Variants in ATAD2B observed in about 807,000 individuals in gnomAD.
The protein encoded by ATAD2B is ATPase family AAA domain-containing protein 2B.
In ATAD2B, 40 loss-of-function variants were observed where a neutral mutation model predicts 167.6. The ratio of observed to expected loss-of-function variants is 0.24; its 90% confidence interval spans 0.19 to 0.31. The LOEUF (loss-of-function observed/expected upper bound fraction) is 0.31, where lower values mean the gene tolerates loss of function less well. Among genes scored for constraint, ATAD2B ranks in the 10% least tolerant of loss-of-function variants. ATAD2B has a pLI of 1.00. For synonymous variants in ATAD2B, 579 were observed against 596.5 expected (o/e 0.97, Z 0.43); for missense variants, 1,242 against 1,757.2 (o/e 0.71, Z 5.24).
chr2:23,745,636 C>G (rs535158316), downstream of ATAD2B, among the ~76,000 whole-genome samples: 7 of 152,114 alleles, frequency 4.6e-5, no homozygotes, highest in Non-Finnish European at 8.8e-5. Context: ...TTCAGTTTCC[C>G]CTTCTCTTAA....
the ATAD2B span, among the ~76,000 whole-genome samples, chr2:23,741,400 A>G: frequency 5.9e-5 from 9 of 152,164 alleles, no homozygotes; most frequent in Non-Finnish European, 1.3e-4. Context: ...ATAATGCCAC[A>G]TATCTACAAC....
chr2:23,921,371 G>A (rs1005749917), intron 1 of ATAD2B, among the ~76,000 whole-genome samples: 4 of 152,094 alleles, frequency 2.6e-5, no homozygotes, highest in African/African-American at 9.7e-5. Context: ...TCCTTGAACA[G>A]ACAGGATCAC....
chr2:23,702,135 T>A, the ATAD2B span, among the ~76,000 whole-genome samples: 1 of 152,160 alleles, frequency 6.6e-6, no homozygotes, highest in Non-Finnish European at 1.5e-5. Flanking sequence ...CATGGCTCTT[T>A]TTAACTACCC....
chr2:23,785,707 C>T (rs1680715305), intron 21 of ATAD2B: 2 of 198,196 alleles, frequency 1.0e-5, no homozygotes, highest in Admixed American at 5.9e-5. Context: ...TACTCTTTGA[C>T]AGCAGAATTT....
At chr2:23,901,848 C>T (rs1700879287) in intron 1 of ATAD2B, among the ~76,000 whole-genome samples, 1 of 151,800 alleles carries the variant, frequency 6.6e-6, no homozygotes, top group Non-Finnish European at 1.5e-5. Context: ...GTTTCCCAAA[C>T]ATACTCTGGA....
intron 1 of ATAD2B, among the ~76,000 whole-genome samples, chr2:23,914,228 C>G (rs966545312): frequency 6.6e-6 from 1 of 152,080 alleles, no homozygotes; most frequent in Middle Eastern, 3.2e-3. Flanking sequence ...GGTTGTCTAT[C>G]AGAATGAACA....
At chr2:23,916,949 C>T (rs1194612974) in intron 1 of ATAD2B, among the ~76,000 whole-genome samples, 1 of 152,164 alleles carries the variant, frequency 6.6e-6, no homozygotes, top group Non-Finnish European at 1.5e-5. Flanking sequence ...TACCATGAAG[C>T]AGGGACTGTG....
At chr2:23,811,173 TA>T (rs1440073572) in intron 17 of ATAD2B, 4 of 152,232 alleles carry the variant, frequency 2.6e-5, no homozygotes, top group African/African-American at 9.6e-5. Context: ...TATCCAAGGT[TA>T]AATGTTAGGA....
intron 6 of ATAD2B, among the ~76,000 whole-genome samples, chr2:23,884,495 T>G (rs974525494): frequency 1.3e-5 from 2 of 152,098 alleles, no homozygotes; most frequent in Admixed American, 1.3e-4. Flanking sequence ...GAGCCCAAAG[T>G]AAATCCCATA....
chr2:23,812,924 C>G (rs908728000), intron 17 of ATAD2B, among the ~76,000 whole-genome samples: 1 of 151,172 alleles, frequency 6.6e-6, no homozygotes, highest in Admixed American at 6.6e-5. Flanking sequence ...ATAGAGATTT[C>G]TTGTTCAATT....
At chr2:23,910,267 C>T (rs1702096194) in intron 1 of ATAD2B, among the ~76,000 whole-genome samples, 1 of 150,986 alleles carries the variant, frequency 6.6e-6, no homozygotes, top group African/African-American at 2.4e-5. Context: ...CAACCTCCAC[C>T]TCCCGGGTTC....
rs769261524 is a variant in ATAD2B at position 23,819,733 on chromosome 2, T to C, written c.2267+14A>G. 6.3e-7 allele frequency: 1 copy of C among 1,575,374 alleles called. No individual in the cohort carries two copies. The highest frequency in any genetic ancestry group is 8.6e-7 in the Non-Finnish European group (1 of 1,157,588). ...TCACTCTAAATACAAAGAAAGTTGA[T>C]ATAAATCACTCACATTGTAAAATGA... On this transcript the variant is annotated intron_variant, in intron 17 of 27. Coordinates refer to ENST00000238789, the MANE Select transcript of ATAD2B (RefSeq NM_017552.4).
chr2:23,723,316 A>C, the ATAD2B span, among the ~76,000 whole-genome samples: 1 of 150,186 alleles, frequency 6.7e-6, no homozygotes, highest in African/African-American at 2.5e-5. Flanking sequence ...CAGCAACAAC[A>C]AACAAGAGAG....
chr2:23,783,483 A>G (rs1680361462), intron 21 of ATAD2B, among the ~76,000 whole-genome samples: 1 of 152,226 alleles, frequency 6.6e-6, no homozygotes, highest in East Asian at 1.9e-4. Context: ...TCAGTTTTCT[A>G]GAGTGAACTA....
the ATAD2B span, among the ~76,000 whole-genome samples, chr2:23,709,667 T>A: frequency 1.5e-4 from 23 of 150,004 alleles, no homozygotes; most frequent in African/African-American, 5.1e-4. Context: ...AAGGTGGTGG[T>A]CAGGGTAGGC....
At chr2:23,736,643 T>A in the ATAD2B span, among the ~76,000 whole-genome samples, 1 of 152,120 alleles carries the variant, frequency 6.6e-6, no homozygotes, top group Non-Finnish European at 1.5e-5. Flanking sequence ...GGTTTCTGCA[T>A]TTCCAACTGA....
At chr2:23,897,597 CTTATT>C (rs1700303902) in intron 1 of ATAD2B, among the ~76,000 whole-genome samples, 1 of 152,148 alleles carries the variant, frequency 6.6e-6, no homozygotes, top group African/African-American at 2.4e-5. Flanking sequence ...ATCATGGATT[CTTATT>C]TTATTCTACA....
At chr2:23,737,696 C>G in the ATAD2B span, among the ~76,000 whole-genome samples, 2 of 152,238 alleles carry the variant, frequency 1.3e-5, no homozygotes, top group East Asian at 3.9e-4. Flanking sequence ...AAGCTGGACG[C>G]AGAATGACTT....
At chr2:23,783,578 T>C (rs1409373990) in intron 21 of ATAD2B, among the ~76,000 whole-genome samples, 1 of 152,116 alleles carries the variant, frequency 6.6e-6, no homozygotes, top group Non-Finnish European at 1.5e-5. Flanking sequence ...ATAGTTTTCC[T>C]AACCAGTACG....
Sources: allele counts gnomAD v4.1 joint callset (sites outside exome capture counted in the v4.1 genomes callset), GRCh38; gene constraint gnomAD v4.1.1; transcripts MANE v1.5; gene names NCBI Gene and HGNC (gene_info 2026-07-23, HGNC 2026-07-21).